ANXA10: variants seen among roughly 807,000 people sequenced by gnomAD.
The protein encoded by ANXA10 is annexin 14.
Under a neutral mutation model 53.5 loss-of-function variants are expected in ANXA10, and 49 were observed. The observed-to-expected ratio is 0.92, with a 90% CI of 0.73 to 1.16. ANXA10 has a LOEUF of 1.16. Among genes scored for constraint, ANXA10 ranks in the 50% most tolerant of loss-of-function variants. ANXA10 has a pLI of 0.00. For missense variants in ANXA10, 393 were observed against 394.4 expected (o/e 1.00, Z 0.03); for synonymous variants, 131 against 128.9 (o/e 1.02, Z -0.11).
At chr4:168,133,006 A>C (rs1313303484) in intron 2 of ANXA10, among the ~76,000 whole-genome samples, 1 of 152,112 alleles carries the variant, frequency 6.6e-6, no homozygotes, top group Non-Finnish European at 1.5e-5. Context: ...AGTCACTAGA[A>C]TGCATATTGC....
At chr4:168,100,704 AT>A (rs1233566225) in intron 1 of ANXA10, among the ~76,000 whole-genome samples, 1 of 152,096 alleles carries the variant, frequency 6.6e-6, no homozygotes, top group Non-Finnish European at 1.5e-5. Flanking sequence ...GCAATTTCTG[AT>A]TTAAAAGTTT....
chr4:168,156,605 G>A (rs866476951), intron 3 of ANXA10, among the ~76,000 whole-genome samples: 12 of 150,474 alleles, frequency 8.0e-5, no homozygotes, highest in Admixed American at 2.7e-4. Flanking sequence ...CCAGGTTCAC[G>A]CCATTCTCCT....
chr4:168,151,797 A>G (rs529050839), intron 3 of ANXA10, among the ~76,000 whole-genome samples: 5 of 152,176 alleles, frequency 3.3e-5, no homozygotes, highest in Non-Finnish European at 7.3e-5. Flanking sequence ...ATAGCATGCT[A>G]TTCCCATTAC....
chr4:168,110,141 T>G (rs1046932851), intron 1 of ANXA10, among the ~76,000 whole-genome samples: 1 of 152,138 alleles, frequency 6.6e-6, no homozygotes, highest in African/African-American at 2.4e-5. Context: ...AACCCGGAAG[T>G]TGGAGCTTGC....
rs1162969146 is a variant in ANXA10, at chr4:168,161,389, T to G, written c.196-1139T>G. Among the ~76,000 whole-genome samples the G allele has an allele frequency of 2.0e-5, 3 of 152,176 alleles. No individual in the cohort carries two copies. In the East Asian group the frequency reaches 5.8e-4, roughly 29 times the overall value. Reference sequence around the variant, plus strand: ...GGTTGTAGCTATGTGGTCTTATTTCTGAGTTTTCTATTCTGTTCCATTGGT... The same window carrying G: ...GGTTGTAGCTATGTGGTCTTATTTCGGAGTTTTCTATTCTGTTCCATTGGT... On this transcript the variant is annotated intron_variant, in intron 3 of 11. Transcript: ENST00000359299.
intron 1 of ANXA10, among the ~76,000 whole-genome samples, chr4:168,117,627 G>T (rs994886002): frequency 1.3e-5 from 2 of 152,110 alleles, no homozygotes; most frequent in Admixed American, 6.6e-5. Context: ...TTACCCATAG[G>T]CTAGTTGATA....
intron 8 of ANXA10, 118 bp downstream of exon 8, chr4:168,178,101 A>C: frequency 5.9e-4 from 504 of 852,208 alleles, no homozygotes; most frequent in Non-Finnish European, 8.3e-4. Flanking sequence ...CAGTTATCTC[A>C]AAGGTACTTA....
intron 3 of ANXA10, among the ~76,000 whole-genome samples, chr4:168,141,833 T>G (rs962651000): frequency 6.6e-6 from 1 of 152,158 alleles, no homozygotes; most frequent in Non-Finnish European, 1.5e-5. Flanking sequence ...TTTCATTATC[T>G]AGTTTTTCTG....
At chr4:168,130,647 A>G (rs761895934) in intron 2 of ANXA10, among the ~76,000 whole-genome samples, 2 of 151,954 alleles carry the variant, frequency 1.3e-5, no homozygotes, top group Non-Finnish European at 2.9e-5. Context: ...TAAGTTTTTG[A>G]TAGATATGGG....
At chr4:168,156,451 A>G (rs1046855031) in intron 3 of ANXA10, among the ~76,000 whole-genome samples, 1 of 130,568 alleles carries the variant, frequency 7.7e-6, no homozygotes, top group Non-Finnish European at 1.6e-5. Context: ...TTTTATATAT[A>G]TAGTAGGTGA....
chr4:168,120,817 T>A (rs956616296), intron 1 of ANXA10, among the ~76,000 whole-genome samples: 2 of 152,118 alleles, frequency 1.3e-5, no homozygotes, highest in East Asian at 3.8e-4. Flanking sequence ...GTGCTTAAAG[T>A]GGATTTGTTA....
chr4:168,127,207 T>G (rs1474197130), intron 1 of ANXA10, among the ~76,000 whole-genome samples: 1 of 152,120 alleles, frequency 6.6e-6, no homozygotes, highest in Admixed American at 6.6e-5. Context: ...CAGTCCAAAA[T>G]AATGCACCAT....
At chr4:168,165,582 T>C (rs1318767145) in intron 6 of ANXA10, among the ~76,000 whole-genome samples, 1 of 152,122 alleles carries the variant, frequency 6.6e-6, no homozygotes, top group Non-Finnish European at 1.5e-5. Context: ...ATTATAAATA[T>C]ACATGTATGT....
chr4:168,135,313 A>G (rs1304733073), intron 2 of ANXA10, among the ~76,000 whole-genome samples: 2 of 152,236 alleles, frequency 1.3e-5, no homozygotes, highest in East Asian at 1.9e-4. Flanking sequence ...TACAGTTTCT[A>G]TCTTCCCAAT....
Position 168,152,042 on chromosome 4 carries a change from C to T in ANXA10, c.196-10486C>T, listed in dbSNP as rs1243140215. ...TATGTAACAGGCACAGTTCTATGGGCTGGTGAAATAGCCGTGAAGAAAACA... is the reference window on the plus strand; with the variant it reads ...TATGTAACAGGCACAGTTCTATGGGTTGGTGAAATAGCCGTGAAGAAAACA... On this transcript the variant is annotated intron_variant, in intron 3 of 11. Coordinates refer to ENST00000359299, the MANE Select transcript of ANXA10 (RefSeq NM_007193.5). Among the ~76,000 whole-genome samples, 3 of 152,186 alleles carry T rather than the reference C, an allele frequency of 2.0e-5. No individual in the cohort carries two copies. The East Asian group carries it at 5.8e-4, about 29-fold the overall frequency.
chr4:168,140,238 G>A (rs1200745461), intron 3 of ANXA10, among the ~76,000 whole-genome samples: 1 of 152,146 alleles, frequency 6.6e-6, no homozygotes, highest in Non-Finnish European at 1.5e-5. Flanking sequence ...GGCCAAAAGT[G>A]CCTGAAACAA....
chr4:168,154,729 C>T (rs1371740453), intron 3 of ANXA10, among the ~76,000 whole-genome samples: 1 of 152,050 alleles, frequency 6.6e-6, no homozygotes, highest in Non-Finnish European at 1.5e-5. Context: ...TCACTTTGGT[C>T]GCATATAATT....
chr4:168,183,023 A>AAAAAAAG (rs1302228019), intron 10 of ANXA10, among the ~76,000 whole-genome samples: 1 of 125,666 alleles, frequency 8.0e-6, no homozygotes, highest in African/African-American at 3.1e-5. Flanking sequence ...AAAAAAAAAA[A>AAAAAAAG]AAAAAAGAAA....
rs181460843 is a variant in ANXA10, at chr4:168,130,633, G to A, written c.100+2468G>A. On this transcript the variant is annotated intron_variant, in intron 2 of 11. Transcript: ENST00000359299. ...ATTTTGTGGGTTATTAATTACCACC[G>A]ACTTAAGTTTTTGATAGATATGGGC... Among the ~76,000 whole-genome samples, 342 of 152,016 alleles carry A rather than the reference G, an allele frequency of 2.2e-3. 3 individuals carry two copies. Among genetic ancestry groups the A allele is most frequent in the Non-Finnish European group, 6.5e-4 (44 of 67,886 alleles).
Sources: allele counts gnomAD v4.1 joint callset (sites outside exome capture counted in the v4.1 genomes callset), GRCh38; gene constraint gnomAD v4.1.1; transcripts MANE v1.5; gene names NCBI Gene and HGNC (gene_info 2026-07-23, HGNC 2026-07-21).